Variants in RHBDF1 observed in about 807,000 individuals in gnomAD.
RHBDF1 encodes the protein inactive rhomboid protein 1.
Under a neutral mutation model 98.6 loss-of-function variants are expected in RHBDF1, and 80 were observed. That is an observed-to-expected ratio of 0.81 (90% CI 0.68 to 0.98). The LOEUF (loss-of-function observed/expected upper bound fraction) is 0.98, where lower values mean the gene tolerates loss of function less well. RHBDF1 is among the 50% of genes least tolerant of loss of function. The pLI, the probability that RHBDF1 is intolerant of heterozygous loss-of-function variation, is 0.00. For synonymous variants in RHBDF1, 512 were observed against 486.8 expected, an observed-to-expected ratio of 1.05 and a Z score of -0.68; for missense variants, 1,116 against 1,198.3, an observed-to-expected ratio of 0.93 and a Z score of 1.01.
At chr16:60,412 G>A in intron 12 of RHBDF1, 27 bp downstream of exon 12, 1 of 1,606,748 alleles carries the variant, frequency 6.2e-7, no homozygotes, top group South Asian at 1.1e-5. Flanking sequence ...GACAAAGGCA[G>A]GTGAGAGAGC....
chr16:64,516 G>C (rs1005316229), intron 3 of RHBDF1, 183 bp downstream of exon 3: 30 of 1,543,058 alleles, frequency 1.9e-5, no homozygotes, highest in Non-Finnish European at 2.5e-5. Flanking sequence ...AGTGGAGCAG[G>C]GTAGTGGGGT....
At chr16:66,802 G>A (rs1035833405) in intron 1 of RHBDF1, among the ~76,000 whole-genome samples, 4 of 152,282 alleles carry the variant, frequency 2.6e-5, no homozygotes, top group African/African-American at 4.8e-5. Flanking sequence ...TCAGGGGCAC[G>A]AGCCAAGGGC....
chr16:63,560 G>T, intron 4 of RHBDF1, 27 bp downstream of exon 4: 1 of 1,514,392 alleles, frequency 6.6e-7, no homozygotes, highest in Non-Finnish European at 8.9e-7. Context: ...GGAGGGGCCT[G>T]CAGGAGGCAG....
intron 3 of RHBDF1, 134 bp downstream of exon 3, chr16:64,565 G>A (rs911806936): frequency 6.5e-6 from 10 of 1,544,032 alleles, no homozygotes; most frequent in Non-Finnish European, 8.7e-6. Flanking sequence ...AGGGCAAGGG[G>A]ATGGTGGGGA....
upstream of RHBDF1, chr16:72,679 G>C: frequency 1.0e-6 from 1 of 981,266 alleles, no homozygotes; most frequent in South Asian, 4.7e-5. Context: ...CCGGAGCGGG[G>C]CGGTCGCGCT....
chr16:70,440 C>A (rs1025493047), intron 1 of RHBDF1, among the ~76,000 whole-genome samples: 1 of 152,194 alleles, frequency 6.6e-6, no homozygotes, highest in African/African-American at 2.4e-5. Context: ...GGTGCCCAGG[C>A]ACCCTTGGGC....
intron 4 of RHBDF1, 120 bp from the exon 5 acceptor site, chr16:63,302 C>T: frequency 2.3e-6 from 2 of 871,276 alleles, no homozygotes; most frequent in Non-Finnish European, 3.5e-6. Flanking sequence ...GGCCCCTGGA[C>T]AGCTCTATGG....
rs375953008 is a variant in RHBDF1, at chr16:58,925, A to G, written c.2148+49T>C. 5.6e-6 allele frequency: 9 copies of G among 1,603,246 alleles called. No individual in the cohort carries two copies. In the African/African-American group the frequency reaches 1.2e-4, roughly 21 times the overall value. ...TGCTCGATATGGACAGGTTCACAGC[A>G]GGCTGCAGGTGCACACGGGAGGATC... On this transcript the variant is annotated intron_variant, in intron 17 of 17. Coordinates refer to ENST00000262316, the MANE Select transcript of RHBDF1 (RefSeq NM_022450.5).
intron 12 of RHBDF1, 22 bp downstream of exon 12, chr16:60,417 G>C: frequency 6.2e-7 from 1 of 1,607,252 alleles, no homozygotes; most frequent in Non-Finnish European, 8.5e-7. Flanking sequence ...AGGCAGGTGA[G>C]AGAGCTGCCG....
intron 1 of RHBDF1, among the ~76,000 whole-genome samples, chr16:67,800 CATCGGGGTCCCTA>C (rs1897867263): frequency 6.6e-6 from 1 of 152,332 alleles, no homozygotes; most frequent in East Asian, 1.9e-4. Context: ...CAACGCAGGC[CATCGGGGTCCCTA>C]ATCTGGGGTA....
At chr16:71,246 G>A (rs1045800692) in intron 1 of RHBDF1, among the ~76,000 whole-genome samples, 1 of 152,218 alleles carries the variant, frequency 6.6e-6, no homozygotes, top group African/African-American at 2.4e-5. Flanking sequence ...AAGCTACTTG[G>A]AAGGGCTGGG....
intron 6 of RHBDF1, 30 bp downstream of exon 6, chr16:62,745 G>C (rs760937963): frequency 6.2e-7 from 1 of 1,614,088 alleles, no homozygotes; most frequent in East Asian, 2.2e-5. Context: ...AGGGAACGTG[G>C]GGTGGGGGGA....
chr16:62,454 G>A, intron 7 of RHBDF1, 84 bp downstream of exon 7: 3 of 1,528,782 alleles, frequency 2.0e-6, no homozygotes, highest in South Asian at 2.4e-5. Flanking sequence ...ATCGCCCACA[G>A]AGGTGAATGC....
intron 13 of RHBDF1, 107 bp from the exon 14 acceptor site, chr16:59,933 C>T (rs897002845): frequency 2.4e-5 from 37 of 1,553,194 alleles, no homozygotes; most frequent in South Asian, 4.8e-5. Flanking sequence ...AAGCAGAAAA[C>T]GGTGTGGCTT....
chr16:58,961 G>A lies in RHBDF1; in HGVS notation c.2148+13C>T. On this transcript the variant is annotated intron_variant, in intron 17 of 17. Transcript: ENST00000262316. ...GCACACGGGAGGATCCCCACCCTGA[G>A]GGCCAGCCTTACCTCTGCTCGGTAT... The A allele has an allele frequency of 1.9e-6, 3 of 1,612,368 alleles. No homozygotes were observed. The highest frequency in any genetic ancestry group is 2.5e-6 in the Non-Finnish European group (3 of 1,179,672).
chr16:61,259 G>C lies in RHBDF1; in HGVS notation c.1418C>G (p.Ala473Gly). 6.5e-7 allele frequency: 1 copy of C among 1,544,828 alleles called. No individual in the cohort carries two copies. The highest frequency in any genetic ancestry group is 8.7e-7 in the Non-Finnish European group (1 of 1,144,028). Residue 473 changes from alanine (A) to glycine (G), a missense_variant, in exon 11 of 18, where the codon GCC (alanine) becomes GGC (glycine). Ala to Gly is a moderately conservative substitution (Grantham distance 60). Coordinates refer to ENST00000262316, the MANE Select transcript of RHBDF1 (RefSeq NM_022450.5). ...PSSEALIHLGAKFSPCMRQDP... is the reference protein window; with the variant it reads ...PSSEALIHLGGKFSPCMRQDP... ...CTGGCGCATGCAGGGCGAAAACTTGGCGCCCAGGTGGATGAGGGCCTCCTG... is the reference window on the plus strand; with the variant it reads ...CTGGCGCATGCAGGGCGAAAACTTGCCGCCCAGGTGGATGAGGGCCTCCTG...
chr16:61,575 A>G lies in RHBDF1; in HGVS notation c.1320+10T>C. 1 of 1,612,722 alleles carries G rather than the reference A, an allele frequency of 6.2e-7. No individual in the cohort carries two copies. The highest frequency in any genetic ancestry group is 8.5e-7 in the Non-Finnish European group (1 of 1,179,496). On this transcript the variant is annotated intron_variant, in intron 9 of 17. Coordinates refer to ENST00000262316, the MANE Select transcript of RHBDF1 (RefSeq NM_022450.5). ...ACTCGTCTGGGCCCAGGGAAGGCAC[A>G]GGGGCTCACCGAGTCCACCGTCTCA...
At position 61,430 on chromosome 16, in the gene RHBDF1, G is replaced by A. The variant is rs1050060121; in HGVS notation, c.1350C>T (p.Asn450=). ...AGTTCTCCTGCTGCACGTACTTGAC[G>A]TTCTCGTAGACCCCGCGGTTCCGCA... is the stretch of plus-strand genomic sequence containing the variant. The part of the protein sequence containing the change: ...SVLRNRGVYE[N]VKYVQQENFW... The change falls in exon 10 of 18, where the codon AAC becomes AAT. Residue 450 remains asparagine, a synonymous_variant. Coordinates refer to ENST00000262316, the MANE Select transcript of RHBDF1 (RefSeq NM_022450.5). 3.1e-6 allele frequency: 5 copies of A among 1,612,458 alleles called. No homozygotes were observed. Among genetic ancestry groups the A allele is most frequent in the Admixed American group, 1.7e-5 (1 of 60,000 alleles).
chr16:60,665 T>G (rs553359135), intron 11 of RHBDF1, 126 bp from the exon 12 acceptor site: 1 of 649,134 alleles, frequency 1.5e-6, no homozygotes, highest in Admixed American at 2.6e-5. Flanking sequence ...CCCCCACTCT[T>G]GAGATGCACG....
Sources: gnomAD v4.1 joint callset for allele counts (sites outside exome capture counted in the v4.1 genomes callset) on GRCh38, gnomAD v4.1.1 for gene constraint, MANE v1.5 for transcripts, NCBI Gene and HGNC (gene_info 2026-07-23, HGNC 2026-07-21) for gene names.